TRPM3: variants seen among roughly 807,000 people sequenced by gnomAD.
TRPM3 encodes transient receptor potential cation channel subfamily M member 3.
TRPM3 carries 77 observed loss-of-function variants against 181.2 expected under a neutral mutation model. The observed-to-expected ratio is 0.42, with a 90% CI of 0.35 to 0.51. The LOEUF (loss-of-function observed/expected upper bound fraction) is 0.51. TRPM3 is among the 20% of genes least tolerant of loss of function. The pLI, the probability that TRPM3 is intolerant of heterozygous loss-of-function variation, is 0.01. For missense variants in TRPM3, 1,759 were observed against 2,196.7 expected, an observed-to-expected ratio of 0.80 and a Z score of 3.98; for synonymous variants, 745 against 796.4, an observed-to-expected ratio of 0.94 and a Z score of 1.09.
At chr9:70,619,243 C>A in intron 16 of TRPM3, 148 bp from the exon 17 acceptor site, 1 of 650,274 alleles carries the variant, frequency 1.5e-6, no homozygotes, top group Non-Finnish European at 2.7e-6. Flanking sequence ...ATTCATCCAG[C>A]CAACATCCAC....
intron 1 of TRPM3, among the ~76,000 whole-genome samples, chr9:71,300,945 G>T (rs2086712965): frequency 6.6e-6 from 1 of 152,102 alleles, no homozygotes; most frequent in African/African-American, 2.4e-5. Context: ...ATTTGATTCA[G>T]TGTGATTTGT....
chr9:70,992,973 T>C (rs900297961), intron 1 of TRPM3, among the ~76,000 whole-genome samples: 4 of 152,126 alleles, frequency 2.6e-5, no homozygotes, highest in Non-Finnish European at 4.4e-5. Context: ...AGGAGAACTC[T>C]AGGCAGAGAG....
intron 1 of TRPM3, among the ~76,000 whole-genome samples, chr9:70,991,240 C>T (rs1303773578): frequency 6.6e-6 from 1 of 152,140 alleles, no homozygotes; most frequent in African/African-American, 2.4e-5. Flanking sequence ...TTTATTTTCA[C>T]TAATTTATTA....
intron 1 of TRPM3, among the ~76,000 whole-genome samples, chr9:71,328,162 TTTTG>T (rs923850615): frequency 5.3e-5 from 8 of 152,020 alleles, no homozygotes; most frequent in Non-Finnish European, 7.4e-5. Flanking sequence ...CCTCTCTGTT[TTTTG>T]TTTGTTTGTT....
At chr9:70,751,869 C>A (rs565561307) in intron 8 of TRPM3, among the ~76,000 whole-genome samples, 1 of 152,198 alleles carries the variant, frequency 6.6e-6, no homozygotes, top group African/African-American at 2.4e-5. Flanking sequence ...TATAGTCACA[C>A]TGGGATAAAG....
At chr9:71,200,342 A>T (rs1389827181) in intron 1 of TRPM3, among the ~76,000 whole-genome samples, 1 of 151,426 alleles carries the variant, frequency 6.6e-6, no homozygotes, top group Non-Finnish European at 1.5e-5. Context: ...AAAAAAATGT[A>T]TATTCTGTTG....
Position 71,396,697 on chromosome 9 carries a change from C to T in TRPM3, c.183+49956G>A, listed in dbSNP as rs117265837. On this transcript the variant is annotated intron_variant, in intron 1 of 24. Coordinates refer to the TRPM3 transcript ENST00000357533. Reference sequence around the variant, plus strand: ...AAAAAAAATGCCGGGCGTGGTGGCTCACACCTGTAAATCCCAACACTTTGG... The same window carrying T: ...AAAAAAAATGCCGGGCGTGGTGGCTTACACCTGTAAATCCCAACACTTTGG... Among the ~76,000 whole-genome samples, 36 of 151,462 alleles carry T rather than the reference C, an allele frequency of 2.4e-4. 2 individuals are homozygous for T. In the East Asian group the frequency reaches 6.0e-3, roughly 25 times the overall value.
intron 1 of TRPM3, among the ~76,000 whole-genome samples, chr9:71,073,563 C>CA (rs756530644): frequency 6.6e-6 from 1 of 151,884 alleles, no homozygotes; most frequent in Non-Finnish European, 1.5e-5. Context: ...GCTGATGTTC[C>CA]AAAATGCCCA....
chr9:70,957,155 G>C (rs2097085314), intron 1 of TRPM3, among the ~76,000 whole-genome samples: 1 of 151,656 alleles, frequency 6.6e-6, no homozygotes. Context: ...GTAGAGACGG[G>C]GTTTCACCAT....
chr9:70,766,425 G>A (rs895771846), intron 7 of TRPM3, among the ~76,000 whole-genome samples: 1 of 152,034 alleles, frequency 6.6e-6, no homozygotes, highest in African/African-American at 2.4e-5. Flanking sequence ...TGACTTTCAA[G>A]GAAGAGCCCT....
chr9:70,821,067 A>G (rs2093125249), intron 6 of TRPM3, among the ~76,000 whole-genome samples: 1 of 152,198 alleles, frequency 6.6e-6, no homozygotes, highest in African/African-American at 2.4e-5. Flanking sequence ...TGACTGTTAA[A>G]TCTTTAAGAT....
intron 1 of TRPM3, among the ~76,000 whole-genome samples, chr9:70,913,437 T>C (rs1267836826): frequency 1.3e-5 from 2 of 152,098 alleles, no homozygotes; most frequent in Non-Finnish European, 2.9e-5. Context: ...ACTGCCACAA[T>C]TGAAAGAAGT....
intron 8 of TRPM3, among the ~76,000 whole-genome samples, chr9:70,743,206 C>A (rs76890170): frequency 6.6e-6 from 1 of 152,102 alleles, no homozygotes; most frequent in East Asian, 1.9e-4. Context: ...GTCTGGATCA[C>A]GGAGGGTCTT....
intron 1 of TRPM3, among the ~76,000 whole-genome samples, chr9:70,943,223 T>G (rs2096902311): frequency 6.6e-6 from 1 of 152,230 alleles, no homozygotes; most frequent in Non-Finnish European, 1.5e-5. Flanking sequence ...AATCTCTTGC[T>G]ACATTTAGAT....
In TRPM3 at chr9:70,599,248, A is replaced by G. The variant is rs148210341; in HGVS notation, c.2797-578T>C. Among the ~76,000 whole-genome samples the G allele has an allele frequency of 2.3e-3, 344 of 152,340 alleles. 10 individuals are homozygous for G. The East Asian group carries it at 0.058, about 26-fold the overall frequency. On this transcript the variant is annotated intron_variant, in intron 20 of 25. Transcript: ENST00000677713. ...ACCCTCAACCCATTCTCTGAGCAGCACAAATAATGATCTTTAAAAGCCTGG... is the reference window on the plus strand; with the variant it reads ...ACCCTCAACCCATTCTCTGAGCAGCGCAAATAATGATCTTTAAAAGCCTGG...
chr9:71,369,188 T>C (rs1013436737), intron 1 of TRPM3, among the ~76,000 whole-genome samples: 3 of 151,966 alleles, frequency 2.0e-5, no homozygotes, highest in Non-Finnish European at 4.4e-5. Context: ...GACAAGTTTA[T>C]AATAAGAGAA....
intron 1 of TRPM3, among the ~76,000 whole-genome samples, chr9:71,228,859 G>C (rs1462341552): frequency 6.6e-6 from 1 of 152,084 alleles, no homozygotes; most frequent in African/African-American, 2.4e-5. Context: ...TCATGGACTG[G>C]AAGAATCAAT....
At chr9:71,177,563 C>T (rs1463844038) in intron 1 of TRPM3, among the ~76,000 whole-genome samples, 2 of 152,016 alleles carry the variant, frequency 1.3e-5, no homozygotes, top group Non-Finnish European at 2.9e-5. Context: ...AAATGACCTA[C>T]GACTGTACAT....
intron 1 of TRPM3, among the ~76,000 whole-genome samples, chr9:71,398,950 G>GA (rs1444675966): frequency 1.5e-4 from 23 of 151,940 alleles, no homozygotes; most frequent in Non-Finnish European, 2.4e-4. Flanking sequence ...ATCTATTAAA[G>GA]AAAAAATATC....
Sources: gnomAD v4.1 joint callset for allele counts (sites outside exome capture counted in the v4.1 genomes callset) on GRCh38, gnomAD v4.1.1 for gene constraint, MANE v1.5 for transcripts, NCBI Gene and HGNC (gene_info 2026-07-23, HGNC 2026-07-21) for gene names.